The following PTRH1 variants were observed in gnomAD, a reference collection of about 807,000 sequenced individuals.
PTRH1 encodes peptidyl-tRNA hydrolase 1 homolog.
PTRH1 carries 13 observed loss-of-function variants against 15.7 expected under a neutral mutation model. The observed-to-expected ratio is 0.83, with a 90% CI of 0.54 to 1.31. PTRH1 has a LOEUF of 1.31. Ranked by LOEUF, PTRH1 falls within the 40% of genes most tolerant of loss-of-function variation. The pLI is 0.00. For synonymous variants in PTRH1, 139 were observed against 136.7 expected, an observed-to-expected ratio of 1.02 and a Z score of -0.12; for missense variants, 319 against 296.2, an observed-to-expected ratio of 1.08 and a Z score of -0.56.
rs1288176917 is a variant in PTRH1 at position 127,714,139 on chromosome 9, G to A, written c.606C>T (p.His202=). The A allele has an allele frequency of 1.2e-6, 2 of 1,613,770 alleles. No individual in the cohort carries two copies. Among genetic ancestry groups the A allele is most frequent in the Admixed American group, 1.7e-5 (1 of 60,006 alleles). Residue 202 remains histidine (H), a synonymous_variant, in exon 5 of 5, where the codon CAC becomes CAT. Coordinates refer to ENST00000543175, the MANE Select transcript of PTRH1 (RefSeq NM_001002913.3). ...AGGGCCCCTGGCTTCGCTCACGGATGTGGTCCAAGATCAGGTCGGTGGCTC... is the reference window on the plus strand; with the variant it reads ...AGGGCCCCTGGCTTCGCTCACGGATATGGTCCAAGATCAGGTCGGTGGCTC... The part of the protein sequence containing the change: ...LDRATDLILD[H]IRERSQGPSL...
At chr9:127,696,333 G>A (rs1248181965) in intron 1 of PTRH1, among the ~76,000 whole-genome samples, 7 of 152,212 alleles carry the variant, frequency 4.6e-5, no homozygotes, top group African/African-American at 1.4e-4. Context: ...GACCCTGTCT[G>A]TAAATAAATA....
At position 127,714,167 on chromosome 9, in the gene PTRH1, T is replaced by C; in HGVS notation, c.578A>G (p.Asp193Gly). The change falls in exon 5 of 5, where the codon GAT (aspartate) becomes GGT (glycine). Residue 193 changes from aspartate to glycine, a missense_variant. Coordinates refer to ENST00000543175, the MANE Select transcript of PTRH1 (RefSeq NM_001002913.3). ...AEQELLPLLL[D>G]RATDLILDHI... ...GTCCAAGATCAGGTCGGTGGCTCGA[T>C]CCAGCAACAGAGGCAGCAGCTCCTG... is the stretch of plus-strand genomic sequence containing the variant. 1.2e-6 allele frequency: 2 copies of C among 1,613,894 alleles called. No homozygotes were observed. Among genetic ancestry groups the C allele is most frequent in the East Asian group, 2.2e-5 (1 of 44,870 alleles).
chr9:127,709,743 T>C, downstream of PTRH1: 1 of 1,571,526 alleles, frequency 6.4e-7, no homozygotes, highest in Non-Finnish European at 8.7e-7. The surrounding 1 kb of genome is among the most constrained non-coding windows in gnomAD (Gnocchi z 4.7). Context: ...CCCAGCTCTA[T>C]CACTGACCCT....
chr9:127,698,830 G>A (rs116490382), intron 1 of PTRH1, among the ~76,000 whole-genome samples: 2,111 of 152,090 alleles, frequency 0.014, 50 homozygotes, highest in African/African-American at 0.048. Context: ...CAAAAATAAA[G>A]GGATGGGTTA....
chr9:127,712,054 T>C (rs1169510662), downstream of PTRH1: 1 of 1,498,752 alleles, frequency 6.7e-7, no homozygotes, highest in Non-Finnish European at 9.0e-7. Flanking sequence ...TTCCCCTCTC[T>C]AGAGGAGCCT....
intron 2 of PTRH1, 129 bp downstream of exon 2, chr9:127,714,846 C>A: frequency 9.8e-7 from 1 of 1,025,474 alleles, no homozygotes; most frequent in South Asian, 1.5e-5. Context: ...AGCCATGCAG[C>A]AACTGGAGCT....
At chr9:127,697,055 C>G (rs117856651) in intron 1 of PTRH1, among the ~76,000 whole-genome samples, 1,919 of 152,252 alleles carry the variant, frequency 0.013, 19 homozygotes, top group South Asian at 0.052. Flanking sequence ...GTGAGTTGTA[C>G]CTGCCTGGTC....
At chr9:127,713,305 A>G (rs768778901), downstream of PTRH1, 5 of 926,620 alleles carry the variant, frequency 5.4e-6, no homozygotes, top group Non-Finnish European at 8.0e-6. Context: ...CTGGGGATGT[A>G]ACCAGATCTC....
chr9:127,697,652 C>CCTGGGTTTTG (rs1842572257), intron 1 of PTRH1, among the ~76,000 whole-genome samples: 2 of 152,192 alleles, frequency 1.3e-5, no homozygotes, highest in African/African-American at 2.4e-5. Context: ...CAGAGCAAGA[C>CCTGGGTTTTG]TCTGTCTCAA....
chr9:127,715,584 C>A lies in PTRH1; in HGVS notation c.56G>T (p.Arg19Leu). The change falls in exon 1 of 5, where the codon CGA (arginine) becomes CTA (leucine). Residue 19 changes from arginine to leucine, a missense_variant. Arg to Leu is a moderately radical substitution (Grantham distance 102). Coordinates refer to ENST00000543175, the MANE Select transcript of PTRH1 (RefSeq NM_001002913.3). The surrounding 1 kb of genome is among the most constrained non-coding windows in gnomAD (Gnocchi z 5.8). ...CGGGGGGCGAGGCTCCAAAACACAT[C>A]GGCTCATGGCTCTACTCAGCCGCTG... ...AGQRLSRAMS[R>L]CVLEPRPPGK... 3 of 1,613,470 alleles carry A rather than the reference C, an allele frequency of 1.9e-6. No individual in the cohort carries two copies. The highest frequency in any genetic ancestry group is 2.5e-6 in the Non-Finnish European group (3 of 1,180,036).
At chr9:127,696,881 C>T (rs1297673040) in intron 1 of PTRH1, among the ~76,000 whole-genome samples, 1 of 151,956 alleles carries the variant, frequency 6.6e-6, no homozygotes, top group Admixed American at 6.6e-5. Flanking sequence ...ACAAAACATT[C>T]TCGGTATAAG....
chr9:127,713,953 G>C lies in PTRH1; in HGVS notation c.*147C>G. The C allele has an allele frequency of 6.3e-7, 1 of 1,590,852 alleles. No individual in the cohort carries two copies. On this transcript the variant is annotated 3_prime_UTR_variant, in exon 5 of 5. Transcript: ENST00000543175. ...CCAGAAATGGACTGGTCCAGTCACA[G>C]TCACCCCCACTTTAATCCGCAGGCA...
intron 1 of PTRH1, chr9:127,707,255 C>T (rs1842667641): frequency 1.7e-5 from 26 of 1,571,724 alleles, no homozygotes; most frequent in Non-Finnish European, 2.2e-5. Flanking sequence ...CAGGTGGCCC[C>T]CATGCAGGTT....
intron 1 of PTRH1, among the ~76,000 whole-genome samples, chr9:127,700,945 A>G (rs1842599334): frequency 6.6e-6 from 1 of 152,246 alleles, no homozygotes; most frequent in Non-Finnish European, 1.5e-5. Flanking sequence ...TCATCTTCTG[A>G]AAAGCCCTTT....
downstream of PTRH1, chr9:127,713,493 T>C: frequency 3.2e-6 from 1 of 311,242 alleles, no homozygotes; most frequent in East Asian, 5.9e-5. Flanking sequence ...AGCCAGCATC[T>C]TTCTTTTTTT....
chr9:127,712,313 G>A, downstream of PTRH1: 1 of 1,614,048 alleles, frequency 6.2e-7, no homozygotes, highest in Non-Finnish European at 8.5e-7. Flanking sequence ...AGGCGGCTCT[G>A]GTCCAGGCCA....
downstream of PTRH1, chr9:127,711,222 T>C: frequency 2.5e-6 from 4 of 1,613,000 alleles, no homozygotes; most frequent in Non-Finnish European, 3.4e-6. Flanking sequence ...CCCACCTTTC[T>C]GGCCAGACTG....
chr9:127,710,620 G>C, downstream of PTRH1: 1 of 1,585,596 alleles, frequency 6.3e-7, no homozygotes, highest in South Asian at 1.2e-5. Flanking sequence ...TGGCAGCCCT[G>C]GAGGAGTTCC....
At chr9:127,712,235 G>C (rs1842782746), downstream of PTRH1, 1 of 1,614,054 alleles carries the variant, frequency 6.2e-7, no homozygotes, top group African/African-American at 1.3e-5. Flanking sequence ...AGCTGGAGCA[G>C]CAGCAGGTGG....
Sources: allele counts gnomAD v4.1 joint callset (sites outside exome capture counted in the v4.1 genomes callset), GRCh38; gene constraint gnomAD v4.1.1; non-coding constraint Gnocchi (gnomAD v3.1); transcripts MANE v1.5; gene names NCBI Gene and HGNC (gene_info 2026-07-23, HGNC 2026-07-21).